Variants in TENM2 observed in about 807,000 individuals in gnomAD.
The protein encoded by TENM2 is teneurin-2.
In TENM2, 52 loss-of-function variants were observed where a neutral mutation model predicts 245.2. The observed-to-expected ratio is 0.21, with a 90% CI of 0.17 to 0.27. The LOEUF (loss-of-function observed/expected upper bound fraction) is 0.27. TENM2 is among the 10% of genes least tolerant of loss of function. The pLI is 1.00. For missense variants in TENM2, 3,046 were observed against 3,666.8 expected, an observed-to-expected ratio of 0.83 and a Z score of 4.37; for synonymous variants, 1,363 against 1,438.9, an observed-to-expected ratio of 0.95 and a Z score of 1.19.
At chr5:167,400,172 A>G (rs1351465148) in intron 2 of TENM2, among the ~76,000 whole-genome samples, 1 of 152,168 alleles carries the variant, frequency 6.6e-6, no homozygotes, top group African/African-American at 2.4e-5. Context: ...TGGAATCTAC[A>G]CTGAGAGAAG....
rs370102369 is a variant in TENM2 at position 167,605,363 on chromosome 5, A to T, written c.502+229890A>T. Among the ~76,000 whole-genome samples the T allele has an allele frequency of 1.7e-3, 259 of 152,290 alleles. 12 individuals carry two copies. The South Asian group carries it at 0.052, about 30-fold the overall frequency. Reference sequence around the variant, plus strand: ...CTTTGTCTACATGCATGGTATAAGGATATGAACCAGGAATAAACATTCGAT... The same window carrying T: ...CTTTGTCTACATGCATGGTATAAGGTTATGAACCAGGAATAAACATTCGAT... On this transcript the variant is annotated intron_variant, in intron 2 of 28. Transcript: ENST00000518659.
intron 2 of TENM2, among the ~76,000 whole-genome samples, chr5:167,485,487 T>TA (rs1768003177): frequency 6.6e-6 from 1 of 152,124 alleles, no homozygotes; most frequent in Non-Finnish European, 1.5e-5. Flanking sequence ...AATAAAGCCA[T>TA]AACATTTTTC....
At chr5:168,134,259 G>C (rs1754845170) in intron 12 of TENM2, among the ~76,000 whole-genome samples, 2 of 152,158 alleles carry the variant, frequency 1.3e-5, no homozygotes, top group African/African-American at 4.8e-5. Context: ...TTCTTTGTCT[G>C]TAAAATGGGG....
At chr5:167,537,668 A>G (rs1771937820) in intron 2 of TENM2, among the ~76,000 whole-genome samples, 1 of 152,212 alleles carries the variant, frequency 6.6e-6, no homozygotes, top group African/African-American at 2.4e-5. Flanking sequence ...CTGAGCCTTT[A>G]CTAACTCTCA....
chr5:167,911,276 C>T (rs910297202), intron 3 of TENM2, among the ~76,000 whole-genome samples: 25 of 152,122 alleles, frequency 1.6e-4, no homozygotes, highest in African/African-American at 6.0e-4. Flanking sequence ...CCTGTACTCC[C>T]AGCACTTTGG....
the TENM2 span, among the ~76,000 whole-genome samples, chr5:167,210,572 TC>T: frequency 6.7e-6 from 1 of 150,348 alleles, no homozygotes; most frequent in Non-Finnish European, 1.5e-5. Flanking sequence ...CACGCCATTC[TC>T]CTGCCTCAGC....
At chr5:167,462,325 G>T (rs1766367929) in intron 2 of TENM2, among the ~76,000 whole-genome samples, 1 of 152,074 alleles carries the variant, frequency 6.6e-6, no homozygotes, top group Admixed American at 6.5e-5. Context: ...CTGGCCCCAT[G>T]GTAGCATCTA....
intron 23 of TENM2, among the ~76,000 whole-genome samples, chr5:168,223,470 C>CTTTTT (rs34029248): frequency 2.2e-5 from 3 of 137,044 alleles, no homozygotes; most frequent in South Asian, 2.3e-4. Flanking sequence ...CAAGTAATTT[C>CTTTTT]TTTTTTTTTT....
chr5:167,485,201 C>A (rs2127534383), intron 2 of TENM2, among the ~76,000 whole-genome samples: 1 of 152,190 alleles, frequency 6.6e-6, no homozygotes, highest in African/African-American at 2.4e-5. Flanking sequence ...GCAGAAACCA[C>A]AGGGAGAAGC....
intron 3 of TENM2, among the ~76,000 whole-genome samples, chr5:167,877,080 A>G (rs779488706): frequency 1.3e-5 from 2 of 152,296 alleles, no homozygotes; most frequent in Middle Eastern, 3.4e-3. Flanking sequence ...AGACATTTGC[A>G]AAAATTAATT....
intron 2 of TENM2, among the ~76,000 whole-genome samples, chr5:167,775,576 C>T (rs1056962438): frequency 5.3e-5 from 8 of 152,086 alleles, no homozygotes; most frequent in Non-Finnish European, 8.8e-5. Context: ...GGAAAAAAAT[C>T]TGTAATTCTA....
intron 2 of TENM2, among the ~76,000 whole-genome samples, chr5:167,409,627 TTTTA>T (rs1762807065): frequency 6.6e-6 from 1 of 152,014 alleles, no homozygotes; most frequent in Non-Finnish European, 1.5e-5. Context: ...TTATAGATGA[TTTTA>T]TTTGTGTTTT....
At chr5:167,130,372 T>C in the TENM2 span, among the ~76,000 whole-genome samples, 1 of 152,198 alleles carries the variant, frequency 6.6e-6, no homozygotes, top group Admixed American at 6.5e-5. Context: ...TGACTATGTG[T>C]CAGGCCTACT....
chr5:167,422,924 A>G (rs1763593407), intron 2 of TENM2, among the ~76,000 whole-genome samples: 1 of 152,208 alleles, frequency 6.6e-6, no homozygotes, highest in Non-Finnish European at 1.5e-5. Context: ...AAGGAAAGAC[A>G]ACATCCAGTA....
At chr5:167,683,260 TCCCCCCC>T (rs1756858629) in intron 2 of TENM2, among the ~76,000 whole-genome samples, 2 of 147,830 alleles carry the variant, frequency 1.4e-5, no homozygotes, top group African/African-American at 4.9e-5. Context: ...TTTTTTTTTT[TCCCCCCC>T]TGGGCATCAG....
intron 2 of TENM2, among the ~76,000 whole-genome samples, chr5:167,438,587 C>T (rs1483576572): frequency 1.3e-5 from 2 of 151,810 alleles, no homozygotes; most frequent in Admixed American, 6.6e-5. Context: ...TTAGTAGAGA[C>T]GGGGTTTCAC....
At chr5:167,036,215 G>A in the TENM2 span, among the ~76,000 whole-genome samples, 3 of 152,192 alleles carry the variant, frequency 2.0e-5, no homozygotes, top group South Asian at 4.1e-4. Context: ...TCTAGGCCAA[G>A]AGAAAAGCAA....
chr5:167,905,805 T>A (rs1776044476), intron 3 of TENM2, among the ~76,000 whole-genome samples: 1 of 152,214 alleles, frequency 6.6e-6, no homozygotes, highest in South Asian at 2.1e-4. Context: ...CAGCTTTCAA[T>A]AGAGGTGTCA....
At chr5:168,111,065 C>T (rs1794635332) in intron 9 of TENM2, among the ~76,000 whole-genome samples, 1 of 152,140 alleles carries the variant, frequency 6.6e-6, no homozygotes, top group African/African-American at 2.4e-5. Flanking sequence ...ATTTTTAACC[C>T]GATTTCCACT....
Sources: allele counts gnomAD v4.1 joint callset (sites outside exome capture counted in the v4.1 genomes callset), GRCh38; gene constraint gnomAD v4.1.1; transcripts MANE v1.5; gene names NCBI Gene and HGNC (gene_info 2026-07-23, HGNC 2026-07-21).